Variants in GALNTL6 observed in about 807,000 individuals in gnomAD.
GALNTL6 encodes polypeptide N-acetylgalactosaminyltransferase like 6.
Under a neutral mutation model 73.7 loss-of-function variants are expected in GALNTL6, and 46 were observed. The observed-to-expected ratio is 0.62, with a 90% CI of 0.49 to 0.80. The LOEUF is 0.80. Ranked by LOEUF, GALNTL6 falls within the 30% of genes least tolerant of loss-of-function variation. The probability of loss-of-function intolerance (pLI) is 0.00; values close to 1 mark genes in which losing one functional copy is unlikely to be tolerated. For synonymous variants in GALNTL6, 259 were observed against 263.7 expected, an observed-to-expected ratio of 0.98 and a Z score of 0.17; for missense variants, 604 against 755.0, an observed-to-expected ratio of 0.80 and a Z score of 2.34.
chr4:172,591,826 G>T (rs948752252), intron 5 of GALNTL6, among the ~76,000 whole-genome samples: 1 of 152,144 alleles, frequency 6.6e-6, no homozygotes, highest in African/African-American at 2.4e-5. Context: ...CGTCAAAATT[G>T]AGAAGTAGTT....
At chr4:171,967,748 AT>A (rs1014207536) in intron 2 of GALNTL6, among the ~76,000 whole-genome samples, 26 of 152,088 alleles carry the variant, frequency 1.7e-4, no homozygotes, top group African/African-American at 2.9e-4. Flanking sequence ...ACCTATTTGA[AT>A]TTTTTTCCCC....
intron 5 of GALNTL6, among the ~76,000 whole-genome samples, chr4:172,404,327 G>A (rs922084312): frequency 1.3e-5 from 2 of 151,900 alleles, no homozygotes; most frequent in Non-Finnish European, 2.9e-5. Flanking sequence ...AATGAGAAAG[G>A]ATGAACACCA....
At chr4:172,332,393 T>C (rs1246459743) in intron 4 of GALNTL6, among the ~76,000 whole-genome samples, 1 of 152,112 alleles carries the variant, frequency 6.6e-6, no homozygotes, top group Non-Finnish European at 1.5e-5. Context: ...TTGAATTTAT[T>C]TCTTCTATCT....
At chr4:172,879,298 A>G in intron 7 of GALNTL6, among the ~76,000 whole-genome samples, 1 of 151,866 alleles carries the variant, frequency 6.6e-6, no homozygotes, top group East Asian at 1.9e-4. Flanking sequence ...TTTATAGAAC[A>G]CTGTACCCAA....
chr4:172,658,398 C>T (rs1211343761), intron 5 of GALNTL6, among the ~76,000 whole-genome samples: 26 of 144,082 alleles, frequency 1.8e-4, no homozygotes, highest in Middle Eastern at 3.6e-3. Context: ...ATCCGGGAGG[C>T]GGAGCTTGTA....
intron 7 of GALNTL6, among the ~76,000 whole-genome samples, chr4:172,859,191 A>G (rs1744269273): frequency 6.6e-6 from 1 of 152,204 alleles, no homozygotes; most frequent in Non-Finnish European, 1.5e-5. Context: ...CAGAGCTCCC[A>G]AGGTCAAAGG....
At chr4:171,944,896 CTA>C (rs1443726929) in intron 2 of GALNTL6, among the ~76,000 whole-genome samples, 1 of 151,672 alleles carries the variant, frequency 6.6e-6, no homozygotes, top group Non-Finnish European at 1.5e-5. Context: ...CCTTAGCTAC[CTA>C]TGCTTTTATA....
chr4:172,481,237 TC>T (rs960696078), intron 5 of GALNTL6, among the ~76,000 whole-genome samples: 1 of 151,762 alleles, frequency 6.6e-6, no homozygotes, highest in African/African-American at 2.4e-5. Flanking sequence ...TGTTCCTTCC[TC>T]CCGACCCGAG....
At chr4:172,885,172 A>T (rs1433964401) in intron 8 of GALNTL6, among the ~76,000 whole-genome samples, 2 of 152,052 alleles carry the variant, frequency 1.3e-5, no homozygotes, top group African/African-American at 2.4e-5. Flanking sequence ...GTCATTGGTA[A>T]TTTGACATGG....
intron 8 of GALNTL6, among the ~76,000 whole-genome samples, chr4:172,914,823 A>G (rs1033394697): frequency 2.0e-5 from 3 of 152,212 alleles, no homozygotes; most frequent in Non-Finnish European, 2.9e-5. Flanking sequence ...CCCCACTGTC[A>G]ACATTAGACA....
At chr4:172,856,611 T>C (rs1744133459) in intron 7 of GALNTL6, among the ~76,000 whole-genome samples, 1 of 151,176 alleles carries the variant, frequency 6.6e-6, no homozygotes, top group South Asian at 2.1e-4. Flanking sequence ...TGTGGACTGA[T>C]AAAACATGAA....
chr4:172,450,215 T>TAA (rs55660692), intron 5 of GALNTL6, among the ~76,000 whole-genome samples: 2,751 of 142,778 alleles, frequency 0.019, 82 homozygotes, highest in East Asian at 0.07. Flanking sequence ...GAAACTCCAT[T>TAA]AAAAAAAAAA....
At chr4:172,986,526 T>C (rs1423033768) in intron 10 of GALNTL6, among the ~76,000 whole-genome samples, 3 of 152,300 alleles carry the variant, frequency 2.0e-5, no homozygotes, top group Non-Finnish European at 2.9e-5. Context: ...GTCAGGTTGT[T>C]AGAAAGACAA....
intron 5 of GALNTL6, among the ~76,000 whole-genome samples, chr4:172,768,967 T>A (rs1218256437): frequency 6.6e-6 from 1 of 152,020 alleles, no homozygotes; most frequent in Non-Finnish European, 1.5e-5. Context: ...TGGAGGAAAC[T>A]GACTCCTTCA....
chr4:173,007,643 T>C (rs935046077), intron 10 of GALNTL6, among the ~76,000 whole-genome samples: 2 of 151,916 alleles, frequency 1.3e-5, no homozygotes, highest in South Asian at 2.1e-4. Context: ...CCCATCTCTA[T>C]AAAAATACCA....
chr4:172,268,613 ATCTG>A (rs1738532807), intron 3 of GALNTL6, among the ~76,000 whole-genome samples: 1 of 152,152 alleles, frequency 6.6e-6, no homozygotes. Flanking sequence ...GGGGAAACAA[ATCTG>A]AACTCTTGTG....
intron 2 of GALNTL6, among the ~76,000 whole-genome samples, chr4:172,154,195 C>T (rs1472310021): frequency 7.0e-6 from 1 of 142,724 alleles, no homozygotes; most frequent in African/African-American, 2.6e-5. Flanking sequence ...TAAAATGAAA[C>T]CCTGTAAAGG....
intron 3 of GALNTL6, among the ~76,000 whole-genome samples, chr4:172,299,855 G>T (rs1381330048): frequency 6.6e-6 from 1 of 152,204 alleles, no homozygotes; most frequent in African/African-American, 2.4e-5. Context: ...TTGATTTGGG[G>T]TGGAGAGTTC....
intron 7 of GALNTL6, among the ~76,000 whole-genome samples, chr4:172,869,213 T>C (rs879834726): frequency 1.3e-5 from 2 of 152,222 alleles, no homozygotes; most frequent in Non-Finnish European, 2.9e-5. Context: ...TGGCCACTAG[T>C]AAGTTTAAAA....
Sources: gnomAD v4.1 joint callset for allele counts (sites outside exome capture counted in the v4.1 genomes callset) on GRCh38, gnomAD v4.1.1 for gene constraint, MANE v1.5 for transcripts, NCBI Gene and HGNC (gene_info 2026-07-23, HGNC 2026-07-21) for gene names.